Variants in GMDS observed in about 807,000 individuals in gnomAD.
GMDS encodes GDP-mannose 4,6 dehydratase.
Under a neutral mutation model 49.9 loss-of-function variants are expected in GMDS, and 20 were observed. That is an observed-to-expected ratio of 0.40 (90% CI 0.28 to 0.58). GMDS has a LOEUF of 0.58. GMDS is among the 20% of genes least tolerant of loss of function. GMDS has a pLI of 0.42. For synonymous variants in GMDS, 177 were observed against 178.6 expected (o/e 0.99, Z 0.07); for missense variants, 362 against 481.4 (o/e 0.75, Z 2.32).
At chr6:2,086,753 T>C (rs1207346926) in intron 4 of GMDS, among the ~76,000 whole-genome samples, 1 of 152,248 alleles carries the variant, frequency 6.6e-6, no homozygotes, top group Non-Finnish European at 1.5e-5. Context: ...GAAGAGGTGA[T>C]AGTATGCCTT....
chr6:1,677,971 TA>T (rs982553332), intron 9 of GMDS, among the ~76,000 whole-genome samples: 5 of 152,152 alleles, frequency 3.3e-5, no homozygotes, highest in African/African-American at 4.8e-5. Flanking sequence ...AACATTTGAA[TA>T]AAAAAATTCC....
chr6:1,644,875 C>A (rs1257855140), intron 9 of GMDS, among the ~76,000 whole-genome samples: 1 of 151,858 alleles, frequency 6.6e-6, no homozygotes, highest in African/African-American at 2.4e-5. Context: ...GTAACTTGCC[C>A]AGAGTCACGA....
At chr6:1,891,961 C>T (rs112272912) in intron 7 of GMDS, among the ~76,000 whole-genome samples, 2,072 of 152,160 alleles carry the variant, frequency 0.014, 25 homozygotes, top group Non-Finnish European at 0.019. Context: ...TCAGTAGTTA[C>T]GCCATATAAA....
chr6:2,179,807 T>G (rs1778438987), intron 1 of GMDS, among the ~76,000 whole-genome samples: 1 of 152,136 alleles, frequency 6.6e-6, no homozygotes, highest in South Asian at 2.1e-4. Context: ...TCTACCCATC[T>G]ATCAGACATT....
At chr6:2,156,723 A>G (rs143810852) in intron 1 of GMDS, among the ~76,000 whole-genome samples, 238 of 152,328 alleles carry the variant, frequency 1.6e-3, no homozygotes, top group Non-Finnish European at 1.7e-3. Flanking sequence ...TAAAAGATGA[A>G]TATGTCTCGG....
At chr6:2,232,429 T>C (rs924461504) in intron 1 of GMDS, among the ~76,000 whole-genome samples, 1 of 152,182 alleles carries the variant, frequency 6.6e-6, no homozygotes, top group African/African-American at 2.4e-5. Context: ...TTATGGCCCA[T>C]GAAATTTACT....
chr6:1,748,457 T>C (rs1767600938), intron 7 of GMDS, among the ~76,000 whole-genome samples: 1 of 152,206 alleles, frequency 6.6e-6, no homozygotes, highest in South Asian at 2.1e-4. Flanking sequence ...CACCTGATTG[T>C]TTTAGTAAAA....
intron 1 of GMDS, among the ~76,000 whole-genome samples, chr6:2,137,003 T>C (rs1776041306): frequency 6.6e-6 from 1 of 152,074 alleles, no homozygotes; most frequent in South Asian, 2.1e-4. Flanking sequence ...GTAAGCTAAT[T>C]AACTCTTGTG....
At chr6:1,995,353 C>T (rs1257728185) in intron 4 of GMDS, among the ~76,000 whole-genome samples, 1 of 152,090 alleles carries the variant, frequency 6.6e-6, no homozygotes, top group East Asian at 1.9e-4. Flanking sequence ...TGCCTGTGAC[C>T]CCAGCCCTAA....
At chr6:2,198,765 A>G (rs1018386886) in intron 1 of GMDS, among the ~76,000 whole-genome samples, 4 of 152,240 alleles carry the variant, frequency 2.6e-5, no homozygotes, top group Non-Finnish European at 4.4e-5. Context: ...AAAACTAAGC[A>G]TTTTGAAATG....
chr6:1,945,235 A>G (rs956613225), intron 6 of GMDS, among the ~76,000 whole-genome samples: 3 of 151,990 alleles, frequency 2.0e-5, no homozygotes, highest in Admixed American at 6.6e-5. Flanking sequence ...TGCTTGAATC[A>G]TATCTATAAC....
In GMDS at chr6:2,028,072, T is replaced by C. The variant is rs200303871; in HGVS notation, c.346-67106A>G. 1.4e-4 allele frequency among the ~76,000 whole-genome samples: 22 copies of C among 152,344 alleles called. No individual in the cohort carries two copies. In the East Asian group the frequency reaches 3.9e-3, roughly 27 times the overall value. On this transcript the variant is annotated intron_variant, in intron 4 of 10. Coordinates refer to ENST00000380815, the MANE Select transcript of GMDS (RefSeq NM_001500.4). ...AGGGCCCGCCTTAAAAAAATCTAGCTTGTAAAACAATATCTTACATATTTC... is the reference window on the plus strand; with the variant it reads ...AGGGCCCGCCTTAAAAAAATCTAGCCTGTAAAACAATATCTTACATATTTC...
At chr6:1,779,472 G>A (rs764321746) in intron 7 of GMDS, among the ~76,000 whole-genome samples, 7 of 152,198 alleles carry the variant, frequency 4.6e-5, no homozygotes, top group Non-Finnish European at 8.8e-5. Context: ...GAATTGAGAA[G>A]CTTCTAGAGA....
intron 7 of GMDS, among the ~76,000 whole-genome samples, chr6:1,885,125 T>C (rs185085698): frequency 6.6e-6 from 1 of 152,342 alleles, no homozygotes; most frequent in East Asian, 1.9e-4. Flanking sequence ...GCCCTCGTTA[T>C]GGAGAAACAA....
chr6:1,708,560 A>G (rs1765823329), intron 9 of GMDS, among the ~76,000 whole-genome samples: 1 of 152,252 alleles, frequency 6.6e-6, no homozygotes, highest in Non-Finnish European at 1.5e-5. Flanking sequence ...TGCATCAGAT[A>G]ACTGGTGCAT....
At chr6:2,022,105 G>C (rs1768311310) in intron 4 of GMDS, among the ~76,000 whole-genome samples, 1 of 152,138 alleles carries the variant, frequency 6.6e-6, no homozygotes, top group African/African-American at 2.4e-5. Flanking sequence ...ACAGGGTATG[G>C]AAAGACGACA....
intron 4 of GMDS, 141 bp from the exon 5 acceptor site, chr6:1,961,107 T>C (rs950295687): frequency 2.0e-6 from 1 of 498,364 alleles, no homozygotes; most frequent in Non-Finnish European, 3.6e-6. Context: ...AATAAGAACG[T>C]GGATGTCATC....
intron 9 of GMDS, among the ~76,000 whole-genome samples, chr6:1,706,544 C>T (rs778875737): frequency 3.9e-5 from 6 of 152,228 alleles, no homozygotes; most frequent in Non-Finnish European, 8.8e-5. Flanking sequence ...TAAAGTCACA[C>T]ATGTTCGCTA....
intron 4 of GMDS, among the ~76,000 whole-genome samples, chr6:2,057,934 CAT>C (rs1423727036): frequency 6.6e-6 from 1 of 152,168 alleles, no homozygotes; most frequent in Non-Finnish European, 1.5e-5. Flanking sequence ...AAATAGTGCA[CAT>C]GACAACCACC....
Sources: gnomAD v4.1 joint callset for allele counts (sites outside exome capture counted in the v4.1 genomes callset) on GRCh38, gnomAD v4.1.1 for gene constraint, MANE v1.5 for transcripts, NCBI Gene and HGNC (gene_info 2026-07-23, HGNC 2026-07-21) for gene names.